Variants in AFG1L observed in about 807,000 individuals in gnomAD.
AFG1L encodes the protein AFG1 like ATPase.
AFG1L carries 53 observed loss-of-function variants against 62.2 expected under a neutral mutation model. The ratio of observed to expected loss-of-function variants is 0.85; its 90% CI spans 0.68 to 1.07. The LOEUF is 1.07. AFG1L is among the 50% of genes least tolerant of loss of function. The pLI, the probability that AFG1L is intolerant of heterozygous loss-of-function variation, is 0.00. For missense variants in AFG1L, 555 were observed against 590.5 expected, an observed-to-expected ratio of 0.94 and a Z score of 0.62; for synonymous variants, 228 against 210.3, an observed-to-expected ratio of 1.08 and a Z score of -0.73.
intron 7 of AFG1L, among the ~76,000 whole-genome samples, chr6:108,437,097 G>A (rs990045628): frequency 6.6e-6 from 1 of 152,152 alleles, no homozygotes; most frequent in Admixed American, 6.5e-5. Context: ...TCTCATTCAT[G>A]AGGGATCTGC....
At chr6:108,478,386 G>A (rs571239752) in intron 10 of AFG1L, among the ~76,000 whole-genome samples, 46 of 152,338 alleles carry the variant, frequency 3.0e-4, no homozygotes, top group Non-Finnish European at 6.0e-4. Context: ...GCATTGAGCC[G>A]AGGTCGCTCC....
At chr6:108,384,897 A>G (rs1780698557) in intron 6 of AFG1L, among the ~76,000 whole-genome samples, 1 of 152,204 alleles carries the variant, frequency 6.6e-6, no homozygotes. Flanking sequence ...TAGAAAGAGA[A>G]TAATTAGAAG....
At chr6:108,497,056 A>T (rs1035773435) in intron 10 of AFG1L, among the ~76,000 whole-genome samples, 1 of 152,202 alleles carries the variant, frequency 6.6e-6, no homozygotes, top group African/African-American at 2.4e-5. Context: ...AATCTTATGT[A>T]TAACCTTCGG....
intron 11 of AFG1L, among the ~76,000 whole-genome samples, chr6:108,511,697 A>G (rs1320451046): frequency 1.3e-5 from 2 of 152,356 alleles, no homozygotes; most frequent in African/African-American, 4.8e-5. Flanking sequence ...TTCTTTGCAC[A>G]GAATTAGATA....
chr6:108,511,381 G>A (rs1431275777), intron 11 of AFG1L, among the ~76,000 whole-genome samples: 1 of 152,150 alleles, frequency 6.6e-6, no homozygotes, highest in Non-Finnish European at 1.5e-5. Context: ...TTCATCAAAG[G>A]CAGCATGGCC....
chr6:108,338,606 A>C (rs1778558860), intron 2 of AFG1L, among the ~76,000 whole-genome samples: 1 of 152,002 alleles, frequency 6.6e-6, no homozygotes, highest in African/African-American at 2.4e-5. Context: ...AAGTGTTGGG[A>C]TTACAGGAGT....
At chr6:108,491,419 C>T (rs951409676) in intron 10 of AFG1L, among the ~76,000 whole-genome samples, 12 of 152,128 alleles carry the variant, frequency 7.9e-5, no homozygotes, top group Admixed American at 4.6e-4. Context: ...CTGCTGCCGA[C>T]ATATGCTTGT....
At chr6:108,376,362 GT>G (rs998674380) in intron 6 of AFG1L, among the ~76,000 whole-genome samples, 34 of 151,926 alleles carry the variant, frequency 2.2e-4, no homozygotes, top group African/African-American at 7.2e-4. Context: ...GGGTTAGTTT[GT>G]TTTTGTTTTT....
intron 2 of AFG1L, among the ~76,000 whole-genome samples, chr6:108,333,434 C>T (rs139492102): frequency 6.6e-6 from 1 of 150,470 alleles, no homozygotes; most frequent in Non-Finnish European, 1.5e-5. Flanking sequence ...GATTATGGAT[C>T]GCTCTCTAGA....
chr6:108,341,078 C>CT (rs1224739543), intron 2 of AFG1L, among the ~76,000 whole-genome samples: 7 of 152,108 alleles, frequency 4.6e-5, no homozygotes, highest in African/African-American at 1.7e-4. Context: ...GACTGTCAGA[C>CT]TTTTTTCAGC....
At chr6:108,352,541 T>C (rs1305856145) in intron 3 of AFG1L, among the ~76,000 whole-genome samples, 1 of 152,168 alleles carries the variant, frequency 6.6e-6, no homozygotes, top group Non-Finnish European at 1.5e-5. Flanking sequence ...GTTGTTATAC[T>C]ATATTGTTTT....
intron 10 of AFG1L, among the ~76,000 whole-genome samples, chr6:108,504,481 G>A (rs116536272): frequency 0.018 from 2,702 of 152,208 alleles, 85 homozygotes; most frequent in African/African-American, 0.061. Context: ...GATGTGGTTC[G>A]TGGCACCCCA....
At chr6:108,323,415 G>A (rs1777894504) in intron 1 of AFG1L, among the ~76,000 whole-genome samples, 1 of 151,924 alleles carries the variant, frequency 6.6e-6, no homozygotes, top group Non-Finnish European at 1.5e-5. Flanking sequence ...CCAGGCTGGA[G>A]TACAGTGGCA....
chr6:108,404,256 G>T (rs1455662097), intron 7 of AFG1L, among the ~76,000 whole-genome samples: 3 of 152,038 alleles, frequency 2.0e-5, no homozygotes, highest in Non-Finnish European at 4.4e-5. Flanking sequence ...TTAATAAAAA[G>T]AAATTATTAT....
chr6:108,411,254 G>A (rs907339057), intron 7 of AFG1L, among the ~76,000 whole-genome samples: 35 of 152,330 alleles, frequency 2.3e-4, no homozygotes, highest in Middle Eastern at 6.8e-3. Context: ...GGTAAACAAA[G>A]CGTCCTGGAA....
At chr6:108,338,843 A>G (rs985219613) in intron 2 of AFG1L, among the ~76,000 whole-genome samples, 1 of 152,186 alleles carries the variant, frequency 6.6e-6, no homozygotes, top group Non-Finnish European at 1.5e-5. Context: ...CGTTACCAAG[A>G]CACACATCCT....
chr6:108,442,531 C>G (rs1369090509), intron 7 of AFG1L, among the ~76,000 whole-genome samples: 2 of 152,088 alleles, frequency 1.3e-5, no homozygotes, highest in Non-Finnish European at 2.9e-5. Flanking sequence ...TATAGAGACT[C>G]CAACAGGTTG....
chr6:108,324,760 C>G (rs1777970833), intron 2 of AFG1L, among the ~76,000 whole-genome samples: 1 of 149,828 alleles, frequency 6.7e-6, no homozygotes, highest in South Asian at 2.1e-4. Flanking sequence ...GGCACGATAT[C>G]TTGGCTCCTG....
At chr6:108,394,484 C>T (rs972256895) in intron 6 of AFG1L, among the ~76,000 whole-genome samples, 9 of 151,394 alleles carry the variant, frequency 5.9e-5, no homozygotes, top group East Asian at 5.8e-4. Flanking sequence ...CCAAACCTGT[C>T]GTCCCTTCCC....
Sources: gnomAD v4.1 joint callset for allele counts (sites outside exome capture counted in the v4.1 genomes callset) on GRCh38, gnomAD v4.1.1 for gene constraint, MANE v1.5 for transcripts, NCBI Gene and HGNC (gene_info 2026-07-23, HGNC 2026-07-21) for gene names.